PCDHGA4: variants seen among roughly 807,000 people sequenced by gnomAD.
PCDHGA4 encodes protocadherin gamma-A4.
Under a neutral mutation model 54.6 loss-of-function variants are expected in PCDHGA4, and 38 were observed. The observed-to-expected ratio is 0.70, with a 90% CI of 0.54 to 0.91. The LOEUF is 0.91. PCDHGA4 is among the 40% of genes least tolerant of loss of function. The probability of loss-of-function intolerance (pLI) is 0.00; values close to 1 mark genes in which losing one functional copy is unlikely to be tolerated. For synonymous variants in PCDHGA4, 511 were observed against 512.9 expected, an observed-to-expected ratio of 1.00 and a Z score of 0.05; for missense variants, 1,298 against 1,220.9, an observed-to-expected ratio of 1.06 and a Z score of -0.94.
intron 1 of PCDHGA4, chr5:141,409,612 C>T: frequency 6.2e-7 from 1 of 1,613,908 alleles, no homozygotes; most frequent in Non-Finnish European, 8.5e-7. Flanking sequence ...CAGGAGCCTC[C>T]ATTGCGCAAG....
intron 1 of PCDHGA4, among the ~76,000 whole-genome samples, chr5:141,425,305 AC>A (rs1239206853): frequency 1.3e-5 from 2 of 152,202 alleles, no homozygotes; most frequent in Non-Finnish European, 2.9e-5. Flanking sequence ...ATCTAAACTA[AC>A]TTCCCAAGAT....
At chr5:141,414,148 G>C in intron 1 of PCDHGA4, 7 of 1,598,900 alleles carry the variant, frequency 4.4e-6, no homozygotes, top group Non-Finnish European at 6.0e-6. Flanking sequence ...AGAAATACAA[G>C]CAGAAGATGG....
rs376057952 is a variant in PCDHGA4 at position 141,417,907 on chromosome 5, A to G, written c.2514+60286A>G. On this transcript the variant is annotated intron_variant, in intron 1 of 3. Transcript: ENST00000571252. Reference sequence around the variant, plus strand: ...GGCGCCGGGCCGGCCCGCGGCAGGTACTATTTCCTTTGCTGCTGCCTTTGT... The same window carrying G: ...GGCGCCGGGCCGGCCCGCGGCAGGTGCTATTTCCTTTGCTGCTGCCTTTGT... The G allele has an allele frequency of 3.6e-4, 571 of 1,596,132 alleles. 2 individuals are homozygous for G. In the African/African-American group the frequency reaches 5.1e-3, roughly 14 times the overall value.
intron 1 of PCDHGA4, chr5:141,376,030 C>G (rs766254447): frequency 1.2e-6 from 2 of 1,613,082 alleles, no homozygotes; most frequent in Non-Finnish European, 1.7e-6. Flanking sequence ...TCCAGGACCA[C>G]GGCCAGCCCC....
rs779191558 is a variant in PCDHGA4 at position 141,491,465 on chromosome 5, A to G, written c.2515-3342A>G. On this transcript the variant is annotated intron_variant, in intron 1 of 3. Coordinates refer to ENST00000571252, the MANE Select transcript of PCDHGA4 (RefSeq NM_018917.4). This position sits in a 1 kb window ranked among gnomAD's most constrained non-coding sequence, Gnocchi z 6.9. The stretch of plus-strand genomic sequence containing the variant: ...CAGGACTCACCCTCCCCGGACTTCT[A>G]TAAGCAGTCCAGCCCCAACCTGCAG... 1.2e-6 allele frequency: 2 copies of G among 1,613,974 alleles called. No homozygotes were observed. The highest frequency in any genetic ancestry group is 1.1e-5 in the South Asian group (1 of 91,084).
At chr5:141,492,461 G>A (rs1218833302) in intron 1 of PCDHGA4, among the ~76,000 whole-genome samples, 1 of 152,212 alleles carries the variant, frequency 6.6e-6, no homozygotes, top group East Asian at 1.9e-4. Flanking sequence ...CGCGCCTGAG[G>A]GTCCCAGATC....
intron 1 of PCDHGA4, chr5:141,441,578 C>T (rs889509502): frequency 2.9e-5 from 6 of 207,738 alleles, no homozygotes; most frequent in Non-Finnish European, 5.9e-5. Flanking sequence ...CCAACCTAGA[C>T]TTGGGACCCA....
intron 1 of PCDHGA4, chr5:141,421,344 G>A: frequency 6.2e-7 from 1 of 1,613,976 alleles, no homozygotes; most frequent in Non-Finnish European, 8.5e-7. Context: ...TGCCAGAAGA[G>A]ACCGAAAAGG....
chr5:141,451,182 C>T (rs2154563496), intron 1 of PCDHGA4, among the ~76,000 whole-genome samples: 1 of 152,226 alleles, frequency 6.6e-6, no homozygotes, highest in Non-Finnish European at 1.5e-5. Flanking sequence ...TTAGCCATTG[C>T]TGTGTAACAA....
intron 1 of PCDHGA4, among the ~76,000 whole-genome samples, chr5:141,446,882 G>A (rs1419213225): frequency 1.3e-5 from 2 of 152,086 alleles, no homozygotes; most frequent in African/African-American, 4.8e-5. Flanking sequence ...TATGTTTTGG[G>A]GTTCATGGCT....
Position 141,464,191 on chromosome 5 carries a change from G to C in PCDHGA4, c.2515-30616G>C, listed in dbSNP as rs185888723. Among the ~76,000 whole-genome samples, 583 of 151,818 alleles carry C rather than the reference G, an allele frequency of 3.8e-3. 6 individuals are homozygous for C. Among genetic ancestry groups the C allele is most frequent in the Admixed American group, 0.011 (166 of 15,202 alleles). On this transcript the variant is annotated intron_variant, in intron 1 of 3. Transcript: ENST00000571252. ...GAGGCAGGAGAATTGCTTGATTTCA[G>C]GAGGCGGAGATTGCAGTGAGCTGAG...
chr5:141,372,010 C>T (rs965282099), intron 1 of PCDHGA4: 7 of 1,613,262 alleles, frequency 4.3e-6, no homozygotes, highest in Non-Finnish European at 5.1e-6. Context: ...GACCAGGGCT[C>T]GCCTACGCTC....
intron 1 of PCDHGA4, chr5:141,421,945 A>T: frequency 2.5e-6 from 4 of 1,613,342 alleles, no homozygotes; most frequent in Non-Finnish European, 3.4e-6. Context: ...AAATGATCAC[A>T]TCCCAATGTT....
At position 141,389,707 on chromosome 5, in the gene PCDHGA4, A is replaced by G; in HGVS notation, c.2514+32086A>G. 1 of 1,612,620 alleles carries G rather than the reference A, an allele frequency of 6.2e-7. No homozygotes were observed. Among genetic ancestry groups the G allele is most frequent in the African/African-American group, 1.3e-5 (1 of 75,046 alleles). The stretch of plus-strand genomic sequence containing the variant: ...GCCTGGCTGTCCTACCACGTGCTGC[A>G]GGCTAGCGAGCCCGGGCTCTTCAGC... On this transcript the variant is annotated intron_variant, in intron 1 of 3. Coordinates refer to ENST00000571252, the MANE Select transcript of PCDHGA4 (RefSeq NM_018917.4).
chr5:141,409,187 A>C, intron 1 of PCDHGA4: 1 of 1,614,024 alleles, frequency 6.2e-7, no homozygotes, highest in Non-Finnish European at 8.5e-7. Flanking sequence ...TGGTCTCTCT[A>C]CCCAGTGTAA....
chr5:141,476,157 G>A lies in PCDHGA4; in HGVS notation c.2515-18650G>A. On this transcript the variant is annotated intron_variant, in intron 1 of 3. Transcript: ENST00000571252. The surrounding 1 kb of genome is among the most constrained non-coding windows in gnomAD (Gnocchi z 7.6). ...TGGAGGAGCGGACTGGTAAGCACCG[G>A]GAGGGTAGTGGGAGTTTTGCTTCTG... 1 of 1,612,752 alleles carries A rather than the reference G, an allele frequency of 6.2e-7. No homozygotes were observed. Among genetic ancestry groups the A allele is most frequent in the Non-Finnish European group, 8.5e-7 (1 of 1,179,898 alleles).
chr5:141,400,128 G>T, intron 1 of PCDHGA4: 1 of 1,614,080 alleles, frequency 6.2e-7, no homozygotes, highest in Non-Finnish European at 8.5e-7. Context: ...TGCAGGAGGT[G>T]CTGCCGGATA....
At chr5:141,364,378 C>G (rs1453338344) in intron 1 of PCDHGA4, 3 of 1,578,948 alleles carry the variant, frequency 1.9e-6, no homozygotes, top group African/African-American at 1.4e-5. Context: ...TGCTGCTGCC[C>G]TTCATGCTCC....
At chr5:141,371,425 C>A in intron 1 of PCDHGA4, 1 of 1,613,882 alleles carries the variant, frequency 6.2e-7, no homozygotes, top group Non-Finnish European at 8.5e-7. Flanking sequence ...AATGACAATG[C>A]CCCGGAGATA....
Sources: allele counts gnomAD v4.1 joint callset (sites outside exome capture counted in the v4.1 genomes callset), GRCh38; gene constraint gnomAD v4.1.1; non-coding constraint Gnocchi (gnomAD v3.1); transcripts MANE v1.5; gene names NCBI Gene and HGNC (gene_info 2026-07-23, HGNC 2026-07-21).